Variants in SLC6A2 observed in about 807,000 individuals in gnomAD.
SLC6A2 encodes the protein solute carrier family 6 member 2.
Under a neutral mutation model 71.7 loss-of-function variants are expected in SLC6A2, and 26 were observed. The observed-to-expected ratio is 0.36, with a 90% CI of 0.27 to 0.50. SLC6A2 has a LOEUF of 0.50. Ranked by LOEUF, SLC6A2 falls within the 20% of genes least tolerant of loss-of-function variation. The pLI is 0.96. For synonymous variants in SLC6A2, 363 were observed against 337.9 expected (o/e 1.07, Z -0.82); for missense variants, 581 against 803.9 (o/e 0.72, Z 3.35).
chr16:55,666,396 C>T (rs1964752021), intron 2 of SLC6A2, among the ~76,000 whole-genome samples: 1 of 152,214 alleles, frequency 6.6e-6, no homozygotes, highest in Non-Finnish European at 1.5e-5. Context: ...GGAGCTCCTT[C>T]CTGACTCTTC....
chr16:55,692,133 C>T (rs1477400640), intron 6 of SLC6A2, 81 bp downstream of exon 6: 7 of 1,485,598 alleles, frequency 4.7e-6, no homozygotes, highest in African/African-American at 1.4e-5. Context: ...AAAATCTGGT[C>T]CCAGCTCTGC....
At chr16:55,669,414 C>G (rs1257807685) in intron 2 of SLC6A2, 151 bp from the exon 3 acceptor site, 4 of 721,764 alleles carry the variant, frequency 5.5e-6, no homozygotes, top group South Asian at 4.6e-5. Context: ...TATTCTTACT[C>G]TTATGATAAT....
chr16:55,698,645 C>G, intron 11 of SLC6A2, 77 bp downstream of exon 11: 1 of 1,006,412 alleles, frequency 9.9e-7, no homozygotes, highest in Non-Finnish European at 1.6e-6. Flanking sequence ...GGGAGGCCTT[C>G]CATTTCCAGG....
In SLC6A2 at chr16:55,691,076, T is replaced by C. The variant is rs558098826; in HGVS notation, c.784-842T>C. Among the ~76,000 whole-genome samples the C allele has an allele frequency of 2.7e-4, 41 of 151,648 alleles. No homozygotes were observed. In the South Asian group the frequency reaches 7.3e-3, roughly 27 times the overall value. The stretch of plus-strand genomic sequence containing the variant: ...CCACATCCCTTCCTAGGCAATGTGC[T>C]TAGGAAAGAAAATATGCTTAAAGGG... On this transcript the variant is annotated intron_variant, in intron 5 of 14. Transcript: ENST00000568943.
chr16:55,687,795 G>T (rs1343515665), intron 5 of SLC6A2, among the ~76,000 whole-genome samples: 4 of 152,354 alleles, frequency 2.6e-5, no homozygotes, highest in Non-Finnish European at 5.9e-5. Flanking sequence ...GTCTAGTTTA[G>T]CTTCTGAGTA....
intron 4 of SLC6A2, among the ~76,000 whole-genome samples, chr16:55,681,087 C>A (rs954585310): frequency 9.2e-5 from 14 of 152,192 alleles, no homozygotes; most frequent in African/African-American, 2.7e-4. Context: ...CCCCAGCCGA[C>A]CCCCTCTACT....
Position 55,704,516 on chromosome 16 carries a change from G to A in SLC6A2, c.*2170G>A, listed in dbSNP as rs1275538451. Reference sequence around the variant, plus strand: ...TGTTGGAGGATGGGAAGGGGCGAGAGAATGCCATTTATTTTCCTCTAGCTG... The same window carrying A: ...TGTTGGAGGATGGGAAGGGGCGAGAAAATGCCATTTATTTTCCTCTAGCTG... On this transcript the variant is annotated 3_prime_UTR_variant, in exon 15 of 15. Transcript: ENST00000568943. 6.6e-6 allele frequency: 1 copy of A among 152,204 alleles called. No homozygotes were observed. The highest frequency in any genetic ancestry group is 1.5e-5 in the Non-Finnish European group (1 of 68,036). The allele number at this position is 152,204 out of a possible 1,614,324, so 9.4% of individuals were successfully genotyped here.
intron 5 of SLC6A2, among the ~76,000 whole-genome samples, chr16:55,690,988 T>A (rs1300544378): frequency 1.3e-5 from 2 of 152,110 alleles, no homozygotes; most frequent in South Asian, 4.1e-4. Flanking sequence ...AGGTACGTTG[T>A]CTGTGTCCCA....
intron 2 of SLC6A2, among the ~76,000 whole-genome samples, chr16:55,668,482 G>C (rs1964814437): frequency 6.6e-6 from 1 of 152,106 alleles, no homozygotes; most frequent in African/African-American, 2.4e-5. Context: ...TTGGTTTCCA[G>C]GGTTACAACA....
chr16:55,670,246 C>T (rs563584418), intron 3 of SLC6A2, among the ~76,000 whole-genome samples: 2 of 152,122 alleles, frequency 1.3e-5, no homozygotes, highest in Non-Finnish European at 2.9e-5. Context: ...AAGAGTTAGT[C>T]TCTCCCAAGC....
intron 4 of SLC6A2, among the ~76,000 whole-genome samples, chr16:55,684,386 A>T (rs1965379759): frequency 6.6e-6 from 1 of 152,028 alleles, no homozygotes; most frequent in Admixed American, 6.6e-5. Context: ...TGGATGTTTG[A>T]GTACTTTGCG....
chr16:55,705,387 T>C lies in SLC6A2; in HGVS notation c.*3041T>C. The stretch of plus-strand genomic sequence containing the variant: ...CGCTAATGTGAGACTGAAGCATTCT[T>C]ACCAAAGAAATCATTTCCTAGTAAA... On this transcript the variant is annotated 3_prime_UTR_variant, in exon 15 of 15. Transcript: ENST00000568943. The C allele has an allele frequency of 3.0e-6, 2 of 674,660 alleles. No homozygotes were observed. Among genetic ancestry groups the C allele is most frequent in the South Asian group, 2.0e-5 (1 of 49,142 alleles). The allele number at this position is 674,660 out of a possible 1,614,324, so 41.8% of individuals were successfully genotyped here.
chr16:55,657,072 A>T, intron 2 of SLC6A2, 104 bp downstream of exon 2: 2 of 1,326,234 alleles, frequency 1.5e-6, no homozygotes, highest in East Asian at 4.6e-5. Flanking sequence ...GCGAGGAGAC[A>T]GGGGCAAATC....
At chr16:55,691,268 A>T (rs1379891581) in intron 5 of SLC6A2, among the ~76,000 whole-genome samples, 33 of 141,340 alleles carry the variant, frequency 2.3e-4, no homozygotes, top group East Asian at 4.7e-4. Context: ...AGAGAGAGAG[A>T]GAGAGAGAGA....
intron 7 of SLC6A2, 96 bp from the exon 8 acceptor site, chr16:55,695,182 C>A: frequency 6.8e-7 from 1 of 1,480,172 alleles, no homozygotes; most frequent in Non-Finnish European, 9.4e-7. Flanking sequence ...GCCTTTGAGG[C>A]TGGGGCCAGG....
At position 55,691,951 on chromosome 16, in the gene SLC6A2, G is replaced by A. The variant is rs757889521; in HGVS notation, c.817G>A (p.Val273Met). ...GATCACAGCCACGCTGCCTTACTTC[G>A]TGCTGTTCGTGCTCCTGGTCCATGG... is the stretch of plus-strand genomic sequence containing the variant. Reference protein sequence around the residue: ...VWITATLPYFVLFVLLVHGVT... With the variant: ...VWITATLPYFMLFVLLVHGVT... Residue 273 changes from valine (V) to methionine (M), a missense_variant, in exon 6 of 15, where the codon GTG becomes ATG. Val to Met is a conservative substitution (Grantham distance 21). This residue lies in a region of SLC6A2 where 334 missense variants were observed against 449.0 expected (regional missense o/e 0.74). Transcript: ENST00000568943. 3.4e-5 allele frequency: 55 copies of A among 1,613,850 alleles called. No homozygotes were observed. The highest frequency in any genetic ancestry group is 1.5e-4 in the African/African-American group (11 of 74,840).
In SLC6A2 at chr16:55,689,486, C is replaced by T. The variant is rs1437121154; in HGVS notation, c.784-2432C>T. ...CACCTCCAGGCCCCATGGGAGATTC[C>T]CTGAAGTCAGAGGTCAAGATACGGT... On this transcript the variant is annotated intron_variant, in intron 5 of 14. Transcript: ENST00000568943. Among the ~76,000 whole-genome samples the T allele has an allele frequency of 2.6e-5, 4 of 152,294 alleles. No individual in the cohort carries two copies. In the East Asian group the frequency reaches 7.7e-4, roughly 29 times the overall value.
rs900047953 is a variant in SLC6A2, at chr16:55,677,214, T to G, written c.644+5039T>G. On this transcript the variant is annotated intron_variant, in intron 4 of 14. Coordinates refer to ENST00000568943, the MANE Select transcript of SLC6A2 (RefSeq NM_001172501.3). ...GAAAATTCCCGAACCATCAGAGAGC[T>G]TGCAGGTGGGGGTTTTAGGCCTTTC... Among the ~76,000 whole-genome samples the G allele has an allele frequency of 2.6e-5, 4 of 152,076 alleles. No homozygotes were observed. In the East Asian group the frequency reaches 7.7e-4, roughly 29 times the overall value.
rs1476187968 is a variant in SLC6A2, at chr16:55,702,773, G to C, written c.*427G>C. ...AAAAAAAAAAAAAACTAAAACTAAA[G>C]CAAAAATCAAACAAAATCTGGCTGA... On this transcript the variant is annotated 3_prime_UTR_variant, in exon 15 of 15. Transcript: ENST00000568943. 9.8e-7 allele frequency: 1 copy of C among 1,019,836 alleles called. No homozygotes were observed. The highest frequency in any genetic ancestry group is 1.9e-5 in the African/African-American group (1 of 52,240). The allele number at this position is 1,019,836 out of a possible 1,614,324, so 63.2% of individuals were successfully genotyped here.
Sources: allele counts gnomAD v4.1 joint callset (sites outside exome capture counted in the v4.1 genomes callset), GRCh38; gene constraint gnomAD v4.1.1; regional missense constraint gnomAD v4.1.1; transcripts MANE v1.5; gene names NCBI Gene and HGNC (gene_info 2026-07-23, HGNC 2026-07-21).